Variants in CNTN5 observed in about 807,000 individuals in gnomAD.
The protein encoded by CNTN5 is contactin 5, also known as contactin-5.
In CNTN5, 77 loss-of-function variants were observed where a neutral mutation model predicts 129.1. The observed-to-expected ratio is 0.60, with a 90% CI of 0.50 to 0.72. The LOEUF (loss-of-function observed/expected upper bound fraction) is 0.72. Among genes scored for constraint, CNTN5 ranks in the 30% least tolerant of loss-of-function variants. CNTN5 has a pLI of 0.00. For missense variants in CNTN5, 1,478 were observed against 1,328.8 expected, an observed-to-expected ratio of 1.11 and a Z score of -1.75; for synonymous variants, 509 against 465.6, an observed-to-expected ratio of 1.09 and a Z score of -1.20.
chr11:100,032,494 T>C (rs1292371048), intron 9 of CNTN5, among the ~76,000 whole-genome samples: 5 of 151,864 alleles, frequency 3.3e-5, no homozygotes, highest in African/African-American at 4.8e-5. Flanking sequence ...TGAATGTAAT[T>C]AGCAAAAAAT....
intron 18 of CNTN5, among the ~76,000 whole-genome samples, chr11:100,291,881 C>G (rs1950987042): frequency 6.6e-6 from 1 of 151,158 alleles, no homozygotes; most frequent in South Asian, 2.1e-4. Context: ...GAGGTTAAAA[C>G]AAACAAACAA....
chr11:99,297,546 A>G (rs1053476677), intron 1 of CNTN5, among the ~76,000 whole-genome samples: 3 of 152,276 alleles, frequency 2.0e-5, no homozygotes, highest in African/African-American at 7.2e-5. Context: ...ATGTACTTCA[A>G]TGGATTGTTG....
intron 1 of CNTN5, chr11:99,049,767 T>C (rs764764112): frequency 1.3e-5 from 2 of 152,130 alleles, no homozygotes; most frequent in African/African-American, 2.4e-5. Flanking sequence ...TGCACTTGAC[T>C]TATATATATT....
intron 1 of CNTN5, among the ~76,000 whole-genome samples, chr11:99,206,020 T>C (rs1859461551): frequency 6.6e-6 from 1 of 152,186 alleles, no homozygotes; most frequent in Non-Finnish European, 1.5e-5. Context: ...GGCTTATTTC[T>C]TTGCTATGTG....
intron 1 of CNTN5, among the ~76,000 whole-genome samples, chr11:99,033,706 A>G (rs1351884028): frequency 4.6e-5 from 7 of 151,662 alleles, no homozygotes; most frequent in African/African-American, 9.7e-5. Context: ...CAATCATGTC[A>G]TCTGCAAACA....
intron 1 of CNTN5, among the ~76,000 whole-genome samples, chr11:99,100,661 A>G (rs1407007797): frequency 6.6e-6 from 1 of 152,174 alleles, no homozygotes; most frequent in African/African-American, 2.4e-5. Context: ...TTAGATGAGC[A>G]GGAAATATAA....
At chr11:99,182,013 C>T (rs956684606) in intron 1 of CNTN5, among the ~76,000 whole-genome samples, 1 of 152,154 alleles carries the variant, frequency 6.6e-6, no homozygotes, top group Non-Finnish European at 1.5e-5. Flanking sequence ...TATGATGCCT[C>T]TCATTGCAAG....
At chr11:99,371,842 C>T (rs376395345) in intron 2 of CNTN5, among the ~76,000 whole-genome samples, 21 of 152,170 alleles carry the variant, frequency 1.4e-4, no homozygotes, top group Non-Finnish European at 1.5e-4. Flanking sequence ...CTACAACCTT[C>T]GATACTGTCA....
chr11:99,414,886 G>A (rs529052166), intron 2 of CNTN5, among the ~76,000 whole-genome samples: 2 of 152,312 alleles, frequency 1.3e-5, no homozygotes, highest in African/African-American at 4.8e-5. Flanking sequence ...GTTTAACAAG[G>A]AAGGAAAGCA....
chr11:100,000,672 T>C (rs1337734894), intron 8 of CNTN5, among the ~76,000 whole-genome samples: 1 of 152,168 alleles, frequency 6.6e-6, no homozygotes, highest in Non-Finnish European at 1.5e-5. Context: ...ACCCCGCCAT[T>C]CCCCTCTGCA....
intron 23 of CNTN5, among the ~76,000 whole-genome samples, chr11:100,344,685 G>T (rs1260679620): frequency 1.3e-5 from 2 of 151,834 alleles, no homozygotes; most frequent in East Asian, 1.9e-4. Flanking sequence ...TTAAGGTAAT[G>T]GATAACCCAA....
intron 1 of CNTN5, among the ~76,000 whole-genome samples, chr11:99,086,824 A>C (rs935651345): frequency 6.6e-6 from 1 of 152,200 alleles, no homozygotes; most frequent in African/African-American, 2.4e-5. Flanking sequence ...GGGTTACAGT[A>C]ATTATATTAA....
intron 3 of CNTN5, among the ~76,000 whole-genome samples, chr11:99,817,044 C>CG (rs1246733503): frequency 1.3e-5 from 2 of 152,130 alleles, no homozygotes; most frequent in Non-Finnish European, 1.5e-5. Context: ...TCTACCCATG[C>CG]GGGGAGCCCA....
rs184657255 is a variant in CNTN5 at position 99,685,533 on chromosome 11, A to T, written c.55+129264A>T. On this transcript the variant is annotated intron_variant, in intron 3 of 24. Coordinates refer to ENST00000524871, the MANE Select transcript of CNTN5 (RefSeq NM_014361.4). ...AGCTTTATATATTCTGAGATTACATAATTTGATAAACACTAATTTAAAATT... is the reference window on the plus strand; with the variant it reads ...AGCTTTATATATTCTGAGATTACATTATTTGATAAACACTAATTTAAAATT... Among the ~76,000 whole-genome samples the T allele has an allele frequency of 9.5e-4, 145 of 152,096 alleles. 1 individual carries two copies. The highest frequency in any genetic ancestry group is 1.7e-3 in the Non-Finnish European group (114 of 67,860).
intron 2 of CNTN5, among the ~76,000 whole-genome samples, chr11:99,353,407 T>C (rs1421898023): frequency 6.6e-6 from 1 of 152,188 alleles, no homozygotes; most frequent in East Asian, 1.9e-4. Context: ...GTTGAGTGTA[T>C]GCTTGTCCAA....
At chr11:99,137,459 A>T (rs944247279) in intron 1 of CNTN5, among the ~76,000 whole-genome samples, 3 of 152,128 alleles carry the variant, frequency 2.0e-5, no homozygotes, top group Non-Finnish European at 4.4e-5. Flanking sequence ...GGTAGTTTCC[A>T]TGTCACGAAG....
intron 3 of CNTN5, among the ~76,000 whole-genome samples, chr11:99,720,908 A>C (rs1342481576): frequency 6.6e-6 from 1 of 152,196 alleles, no homozygotes; most frequent in African/African-American, 2.4e-5. Context: ...CAATTGCCAC[A>C]AAAAGAATGA....
Position 99,447,488 on chromosome 11 carries a change from A to G in CNTN5, c.-70-108657A>G, listed in dbSNP as rs138714451. On this transcript the variant is annotated intron_variant, in intron 2 of 24. Transcript: ENST00000524871. Reference sequence around the variant, plus strand: ...CAAGTTAGCTGATTTCAACTTCTAGATTTACTACTTAACAGCCATACAACT... The same window carrying G: ...CAAGTTAGCTGATTTCAACTTCTAGGTTTACTACTTAACAGCCATACAACT... Among the ~76,000 whole-genome samples the G allele has an allele frequency of 9.9e-3, 1,506 of 152,360 alleles. 25 individuals are homozygous for G. The highest frequency in any genetic ancestry group is 0.034 in the African/African-American group (1,403 of 41,574).
chr11:99,159,368 G>C (rs1243364798), intron 1 of CNTN5, among the ~76,000 whole-genome samples: 1 of 152,124 alleles, frequency 6.6e-6, no homozygotes, highest in Non-Finnish European at 1.5e-5. Flanking sequence ...CACGCCTGTA[G>C]TCCCAGCACT....
Sources: gnomAD v4.1 joint callset for allele counts (sites outside exome capture counted in the v4.1 genomes callset) on GRCh38, gnomAD v4.1.1 for gene constraint, MANE v1.5 for transcripts, NCBI Gene and HGNC (gene_info 2026-07-23, HGNC 2026-07-21) for gene names.